PDXK: variants seen among roughly 807,000 people sequenced by gnomAD.
PDXK encodes epididymis secretory sperm binding protein Li 1a.
PDXK carries 15 observed loss-of-function variants against 43.2 expected under a neutral mutation model. The observed-to-expected ratio is 0.35, with a 90% CI of 0.23 to 0.53. The LOEUF (loss-of-function observed/expected upper bound fraction) is 0.53. Among genes scored for constraint, PDXK ranks in the 20% least tolerant of loss-of-function variants. The pLI, the probability that PDXK is intolerant of heterozygous loss-of-function variation, is 0.92. For synonymous variants in PDXK, 172 were observed against 165.4 expected, an observed-to-expected ratio of 1.04 and a Z score of -0.31; for missense variants, 343 against 417.0, an observed-to-expected ratio of 0.82 and a Z score of 1.54.
At chr21:43,728,142 G>A (rs2083272439) in intron 1 of PDXK, among the ~76,000 whole-genome samples, 1 of 152,188 alleles carries the variant, frequency 6.6e-6, no homozygotes, top group Non-Finnish European at 1.5e-5. Flanking sequence ...GGTGGGTCAG[G>A]GATGAGGGGA....
At position 43,733,265 on chromosome 21, in the gene PDXK, G is replaced by A. The variant is rs60084750; in HGVS notation, c.88-804G>A. Reference sequence around the variant, plus strand: ...CCTCCCCATCCCCACCCCCCCCCCCGCCCCCCCCGCCCTGGAAACAGCCGC... The same window carrying A: ...CCTCCCCATCCCCACCCCCCCCCCCACCCCCCCCGCCCTGGAAACAGCCGC... On this transcript the variant is annotated intron_variant, in intron 1 of 10. Transcript: ENST00000291565. Among the ~76,000 whole-genome samples, 430 of 47,492 alleles carry A rather than the reference G, an allele frequency of 9.1e-3. 8 individuals carry two copies. Among genetic ancestry groups the A allele is most frequent in the African/African-American group, 0.029 (342 of 11,600 alleles). The allele number at this position is 47,492 out of a possible 152,430, so 31.2% of individuals were successfully genotyped here.
At chr21:43,740,731 A>G (rs1453066380) in intron 2 of PDXK, among the ~76,000 whole-genome samples, 9 of 151,848 alleles carry the variant, frequency 5.9e-5, no homozygotes, top group Non-Finnish European at 1.0e-4. Context: ...CCATCGGGCC[A>G]AGGGCAGGTT....
At position 43,734,834 on chromosome 21, in the gene PDXK, T is replaced by C. The variant is rs2083377758; in HGVS notation, c.142+711T>C. On this transcript the variant is annotated intron_variant, in intron 2 of 10. Coordinates refer to ENST00000291565, the MANE Select transcript of PDXK (RefSeq NM_003681.5). The surrounding 1 kb of genome is among the most constrained non-coding windows in gnomAD (Gnocchi z 5.0). ...TGCTTCGTCGGCAGGAGAACAAAGC[T>C]GTTCTGTTCTTTGAAACCCCACCTC... Among the ~76,000 whole-genome samples the C allele has an allele frequency of 6.6e-6, 1 of 152,124 alleles. No individual in the cohort carries two copies. The highest frequency in any genetic ancestry group is 2.4e-5 in the African/African-American group (1 of 41,406).
rs2083848880 is a variant in PDXK, at chr21:43,756,216, G to A, written c.*153G>A. The A allele has an allele frequency of 5.4e-6, 3 of 556,584 alleles. No homozygotes were observed. The Admixed American group carries it at 9.6e-5, about 18-fold the overall frequency. The allele number at this position is 556,584 out of a possible 1,614,324, so 34.5% of individuals were successfully genotyped here. A position where few individuals can be genotyped will look rare whatever the true frequency, so the allele number is the denominator to read the frequency against. On this transcript the variant is annotated 3_prime_UTR_variant, in exon 11 of 11. Transcript: ENST00000291565. The stretch of plus-strand genomic sequence containing the variant: ...CATCTGCTGGTCTTCATTGTGAAAC[G>A]TGCCAGTCGTGCTTTGTGAAAAATA...
In PDXK at chr21:43,760,327, C is replaced by T. The variant is rs971291924; in HGVS notation, c.*4264C>T. ...AAGTAGCTGGGATTACAGGCATGCG[C>T]CACCACGCTCAGCTGATTTTTGTAT... On this transcript the variant is annotated 3_prime_UTR_variant, in exon 11 of 11. Transcript: ENST00000291565. The T allele has an allele frequency of 6.6e-6, 1 of 152,046 alleles. No individual in the cohort carries two copies. Among genetic ancestry groups the T allele is most frequent in the Non-Finnish European group, 1.5e-5 (1 of 68,024 alleles). The allele number at this position is 152,046 out of a possible 1,614,324, so 9.4% of individuals were successfully genotyped here.
rs117369905 is a variant in PDXK at position 43,745,121 on chromosome 21, G to A, written c.332-958G>A. Among the ~76,000 whole-genome samples the A allele has an allele frequency of 9.9e-4, 150 of 152,276 alleles. 4 individuals are homozygous for A. The East Asian group carries it at 0.025, about 25-fold the overall frequency. ...CGGCTGGGAAAGGCCAGTTCATCGC[G>A]GTAGAAAGCAGACGGAGGCTCGGTG... On this transcript the variant is annotated intron_variant, in intron 4 of 10. Transcript: ENST00000291565.
chr21:43,750,775 TGTG>T (rs1325344418), intron 7 of PDXK, among the ~76,000 whole-genome samples: 3 of 60,572 alleles, frequency 5.0e-5, no homozygotes, highest in South Asian at 4.7e-4. Flanking sequence ...GCGCGCGTAT[TGTG>T]TGTGGGTGTG....
chr21:43,748,502 CAAA>C (rs1451051160), intron 5 of PDXK: 1 of 153,384 alleles, frequency 6.5e-6, no homozygotes, highest in Non-Finnish European at 1.5e-5. Flanking sequence ...CAAAACAAAA[CAAA>C]AAAGTGTTGA....
In PDXK at chr21:43,732,303, G is replaced by A. The variant is rs528716601; in HGVS notation, c.88-1766G>A. 2.5e-5 allele frequency: 40 copies of A among 1,596,784 alleles called. 1 individual carries two copies. Among genetic ancestry groups the A allele is most frequent in the East Asian group, 6.7e-5 (3 of 44,592 alleles). On this transcript the variant is annotated intron_variant, in intron 1 of 10. Coordinates refer to ENST00000291565, the MANE Select transcript of PDXK (RefSeq NM_003681.5). This position sits in a 1 kb window ranked among gnomAD's most constrained non-coding sequence, Gnocchi z 4.1. ...CCTTTCTCTGGGGTCCCAGGCTCCCGTCCTGGACCTTGGCACCCCGCCCCC... is the reference window on the plus strand; with the variant it reads ...CCTTTCTCTGGGGTCCCAGGCTCCCATCCTGGACCTTGGCACCCCGCCCCC...
chr21:43,748,164 C>T (rs373860768), intron 5 of PDXK, among the ~76,000 whole-genome samples: 16 of 152,262 alleles, frequency 1.1e-4, no homozygotes, highest in South Asian at 2.1e-4. Context: ...TCCAGAGCTT[C>T]GCACTGCCTC....
At chr21:43,729,039 T>C in intron 1 of PDXK, 1 of 985,104 alleles carries the variant, frequency 1.0e-6, no homozygotes, top group Non-Finnish European at 1.2e-6. Context: ...GTCACACGGA[T>C]GAGCGGGGCA....
intron 1 of PDXK, chr21:43,733,583 C>T: frequency 2.0e-6 from 2 of 976,860 alleles, no homozygotes; most frequent in East Asian, 9.5e-5. Flanking sequence ...CTCACTCAGG[C>T]TTTTGAGGCA....
At chr21:43,750,862 G>A (rs75638124) in intron 7 of PDXK, among the ~76,000 whole-genome samples, 20,820 of 151,836 alleles carry the variant, frequency 0.14, 1,621 homozygotes, top group East Asian at 0.23. Flanking sequence ...ATGTGCATGT[G>A]CGTCTGTGTG....
At chr21:43,724,942 T>A (rs762403) in intron 1 of PDXK, among the ~76,000 whole-genome samples, 148,349 of 150,324 alleles carry the variant, frequency 0.99, 73,299 homozygotes, top group African/African-American at 1. Context: ...ACCCTGTTTT[T>A]AAAAAAAAAA....
At position 43,723,186 on chromosome 21, in the gene PDXK, A is replaced by ACT. The variant is rs1025414318; in HGVS notation, c.87+3808_87+3809dup. On this transcript the variant is annotated intron_variant, in intron 1 of 10. Transcript: ENST00000291565. The surrounding 1 kb of genome is among the most constrained non-coding windows in gnomAD (Gnocchi z 4.1). Reference sequence around the variant, plus strand: ...TTTTTTTTTTTGAGACGAGGGTCTCACTCTGTCGCTCAGGCTGAAGTACAA... The same window carrying ACT: ...TTTTTTTTTTTGAGACGAGGGTCTCACTCTCTGTCGCTCAGGCTGAAGTACAA... 7.5e-6 allele frequency among the ~76,000 whole-genome samples: 1 copy of ACT among 132,542 alleles called. No individual in the cohort carries two copies. The allele number at this position is 132,542 out of a possible 152,430, so 87.0% of individuals were successfully genotyped here.
intron 2 of PDXK, among the ~76,000 whole-genome samples, chr21:43,736,370 G>A (rs1292364834): frequency 6.6e-6 from 1 of 152,150 alleles, no homozygotes; most frequent in East Asian, 1.9e-4. Context: ...GGCCCATCGT[G>A]CGTGCCCAGG....
Position 43,737,309 on chromosome 21 carries a change from G to T in PDXK, c.142+3186G>T. On this transcript the variant is annotated intron_variant, in intron 2 of 10. Transcript: ENST00000291565. This position sits in a 1 kb window ranked among gnomAD's most constrained non-coding sequence, Gnocchi z 4.8. ...CCTCGCCGCCTCGAGGCTGCTGCTC[G>T]CACTTCTGCCCCTTCCCCCGGCCAG... 7.2e-7 allele frequency: 1 copy of T among 1,385,598 alleles called. No individual in the cohort carries two copies. 85.8% of individuals were successfully genotyped at this position (1,385,598 alleles called of 1,614,324 possible). A position where few individuals can be genotyped will look rare whatever the true frequency, so the allele number is the denominator to read the frequency against.
intron 1 of PDXK, among the ~76,000 whole-genome samples, chr21:43,724,983 T>G (rs1310900074): frequency 1.3e-5 from 2 of 152,104 alleles, no homozygotes; most frequent in African/African-American, 4.8e-5. Flanking sequence ...GGCCTCTTCT[T>G]CAGAGATGTG....
chr21:43,737,881 C>G lies in PDXK; in HGVS notation c.142+3758C>G. The G allele has an allele frequency of 1.0e-6, 1 of 985,480 alleles. No homozygotes were observed. Among genetic ancestry groups the G allele is most frequent in the African/African-American group, 1.7e-5 (1 of 57,388 alleles). The allele number at this position is 985,480 out of a possible 1,614,324, so 61.0% of individuals were successfully genotyped here. A position where few individuals can be genotyped will look rare whatever the true frequency, so the allele number is the denominator to read the frequency against. On this transcript the variant is annotated intron_variant, in intron 2 of 10. Coordinates refer to ENST00000291565, the MANE Select transcript of PDXK (RefSeq NM_003681.5). This position sits in a 1 kb window ranked among gnomAD's most constrained non-coding sequence, Gnocchi z 4.8. ...GAGTTGGACACAAGATCCAAGCGCC[C>G]TCCCCTGTTGGAGAAGGTTCTTGTG...
Sources: gnomAD v4.1 joint callset for allele counts (sites outside exome capture counted in the v4.1 genomes callset) on GRCh38, gnomAD v4.1.1 for gene constraint, Gnocchi (gnomAD v3.1) non-coding constraint, MANE v1.5 for transcripts, NCBI Gene and HGNC (gene_info 2026-07-23, HGNC 2026-07-21) for gene names.